The following UBE2E2 variants were observed in gnomAD, a reference collection of about 807,000 sequenced individuals.
UBE2E2 encodes the protein ubiquitin-conjugating enzyme E2 E2.
Under a neutral mutation model 24.7 loss-of-function variants are expected in UBE2E2, and 6 were observed. That is an observed-to-expected ratio of 0.24 (90% CI 0.13 to 0.48). The LOEUF is 0.48. Ranked by LOEUF, UBE2E2 falls within the 20% of genes least tolerant of loss-of-function variation. UBE2E2 has a pLI of 0.99. For missense variants in UBE2E2, 169 were observed against 245.0 expected (o/e 0.69, Z 2.07); for synonymous variants, 104 against 83.6 (o/e 1.24, Z -1.33).
intron 3 of UBE2E2, among the ~76,000 whole-genome samples, chr3:23,222,218 A>G (rs1301353251): frequency 6.6e-6 from 1 of 152,130 alleles, no homozygotes; most frequent in Admixed American, 6.5e-5. Flanking sequence ...CATTGTGTGT[A>G]TATACCACAT....
intron 3 of UBE2E2, among the ~76,000 whole-genome samples, chr3:23,460,176 T>A (rs1035727082): frequency 1.3e-5 from 2 of 152,164 alleles, no homozygotes; most frequent in Admixed American, 1.3e-4. Context: ...TGAGCTGCCC[T>A]CCCAGAGGTC....
At chr3:23,506,621 C>A (rs1160966758) in intron 4 of UBE2E2, among the ~76,000 whole-genome samples, 3 of 152,118 alleles carry the variant, frequency 2.0e-5, no homozygotes, top group Non-Finnish European at 4.4e-5. Flanking sequence ...CCTGGTTCCA[C>A]CCTTGTCCCT....
intron 3 of UBE2E2, among the ~76,000 whole-genome samples, chr3:23,364,553 G>A (rs1278246607): frequency 5.3e-5 from 8 of 152,024 alleles, no homozygotes; most frequent in Middle Eastern, 3.4e-3. Context: ...GGAAACATAC[G>A]ACCTCCCAAG....
intron 5 of UBE2E2, among the ~76,000 whole-genome samples, chr3:23,557,513 G>A (rs1291409117): frequency 1.3e-5 from 2 of 152,114 alleles, no homozygotes; most frequent in Non-Finnish European, 2.9e-5. Flanking sequence ...CTCACACTGG[G>A]ACAGTTTAGA....
intron 3 of UBE2E2, among the ~76,000 whole-genome samples, chr3:23,376,931 G>A (rs959669525): frequency 6.6e-6 from 1 of 152,130 alleles, no homozygotes; most frequent in Non-Finnish European, 1.5e-5. Context: ...TAGGGGATGA[G>A]GGAGAAAACA....
intron 3 of UBE2E2, among the ~76,000 whole-genome samples, chr3:23,384,485 G>A (rs1274796968): frequency 6.6e-6 from 1 of 151,710 alleles, no homozygotes; most frequent in African/African-American, 2.4e-5. Context: ...CACTAAAAAA[G>A]GGAGCAACAT....
intron 3 of UBE2E2, among the ~76,000 whole-genome samples, chr3:23,282,482 A>G (rs1267574384): frequency 6.6e-6 from 1 of 152,190 alleles, no homozygotes; most frequent in African/African-American, 2.4e-5. Context: ...TCGGTAGCTG[A>G]TAAATTTAAT....
At chr3:23,494,593 G>A (rs1699566588) in intron 3 of UBE2E2, among the ~76,000 whole-genome samples, 3 of 152,140 alleles carry the variant, frequency 2.0e-5, no homozygotes, top group Admixed American at 2.0e-4. Flanking sequence ...AATAGGAGTG[G>A]GGCAGAGGGC....
At chr3:23,229,740 T>TAGAA (rs1357300954) in intron 3 of UBE2E2, among the ~76,000 whole-genome samples, 1 of 152,344 alleles carries the variant, frequency 6.6e-6, no homozygotes, top group East Asian at 1.9e-4. Context: ...TCTGTTATGA[T>TAGAA]AGACCTGTTC....
chr3:23,366,507 T>C (rs1030463524), intron 3 of UBE2E2, among the ~76,000 whole-genome samples: 1 of 152,116 alleles, frequency 6.6e-6, no homozygotes, highest in East Asian at 1.9e-4. Context: ...TGCAACAACA[T>C]TGATGGAGCT....
At chr3:23,267,363 T>C (rs1698078206) in intron 3 of UBE2E2, among the ~76,000 whole-genome samples, 1 of 152,036 alleles carries the variant, frequency 6.6e-6, no homozygotes, top group Non-Finnish European at 1.5e-5. Context: ...TAAAAAATGA[T>C]AAAGGGGATG....
chr3:23,573,894 C>T (rs1446504806), intron 5 of UBE2E2, among the ~76,000 whole-genome samples: 1 of 152,164 alleles, frequency 6.6e-6, no homozygotes, highest in Non-Finnish European at 1.5e-5. Flanking sequence ...GTCTTCTCAA[C>T]TCCTAGACTT....
chr3:23,588,410 G>GTTTTTTTTT (rs199679364), intron 5 of UBE2E2, among the ~76,000 whole-genome samples: 2 of 130,058 alleles, frequency 1.5e-5, no homozygotes, highest in Non-Finnish European at 1.6e-5. Flanking sequence ...TTGTTTTTTT[G>GTTTTTTTTT]TTTTTTTTTT....
At chr3:23,267,004 A>G (rs1315090008) in intron 3 of UBE2E2, among the ~76,000 whole-genome samples, 1 of 152,152 alleles carries the variant, frequency 6.6e-6, no homozygotes, top group African/African-American at 2.4e-5. Flanking sequence ...CTTTGAAACC[A>G]CTGAGAACAA....
chr3:23,339,801 T>C (rs1695331779), intron 3 of UBE2E2, among the ~76,000 whole-genome samples: 1 of 152,130 alleles, frequency 6.6e-6, no homozygotes. Flanking sequence ...TAAAATATTT[T>C]CTTGAAATAC....
chr3:23,413,178 C>A (rs1480879719), intron 3 of UBE2E2, among the ~76,000 whole-genome samples: 1 of 148,518 alleles, frequency 6.7e-6, no homozygotes, highest in African/African-American at 2.5e-5. Context: ...CACATGTACC[C>A]TAAAACTTAA....
intron 3 of UBE2E2, among the ~76,000 whole-genome samples, chr3:23,414,897 C>T (rs1213589065): frequency 6.6e-6 from 1 of 152,196 alleles, no homozygotes; most frequent in East Asian, 1.9e-4. Flanking sequence ...ACTACCTAAC[C>T]TTCAGAACTG....
chr3:23,540,221 T>C (rs2125491551), intron 5 of UBE2E2, among the ~76,000 whole-genome samples: 1 of 152,072 alleles, frequency 6.6e-6, no homozygotes, highest in East Asian at 1.9e-4. Flanking sequence ...AATATTGTTT[T>C]AATACCATTA....
chr3:23,545,737 C>T (rs955587672), intron 5 of UBE2E2, among the ~76,000 whole-genome samples: 1 of 152,078 alleles, frequency 6.6e-6, no homozygotes, highest in Admixed American at 6.6e-5. Flanking sequence ...GCGCAATTGA[C>T]AATCGCAAAG....
Sources: gnomAD v4.1 joint callset for allele counts (sites outside exome capture counted in the v4.1 genomes callset) on GRCh38, gnomAD v4.1.1 for gene constraint, MANE v1.5 for transcripts, NCBI Gene and HGNC (gene_info 2026-07-23, HGNC 2026-07-21) for gene names.